TTC28: variants seen among roughly 807,000 people sequenced by gnomAD.
TTC28 encodes the protein tetratricopeptide repeat domain 28.
A neutral mutation model predicts 198.0 loss-of-function variants in TTC28; 61 were observed. The ratio of observed to expected loss-of-function variants is 0.31; its 90% CI spans 0.25 to 0.38. The LOEUF (loss-of-function observed/expected upper bound fraction) is 0.38. Among genes scored for constraint, TTC28 ranks in the 10% least tolerant of loss-of-function variants. The pLI is 1.00. For synonymous variants in TTC28, 1,171 were observed against 1,297.8 expected (o/e 0.90, Z 2.10); for missense variants, 2,678 against 3,164.0 (o/e 0.85, Z 3.69).
intron 2 of TTC28, among the ~76,000 whole-genome samples, chr22:28,569,039 C>G (rs910999072): frequency 6.6e-6 from 1 of 151,802 alleles, no homozygotes; most frequent in African/African-American, 2.4e-5. Context: ...CCCTGCTACC[C>G]GGGAGGCTGA....
intron 2 of TTC28, among the ~76,000 whole-genome samples, chr22:28,466,855 A>ACC (rs1555880295): frequency 1.1e-4 from 16 of 147,722 alleles, no homozygotes; most frequent in Admixed American, 1.4e-4. Flanking sequence ...ACACACACAC[A>ACC]CCCCTATGCC....
At chr22:28,031,524 G>C (rs1324405264) in intron 12 of TTC28, among the ~76,000 whole-genome samples, 1 of 152,164 alleles carries the variant, frequency 6.6e-6, no homozygotes, top group African/African-American at 2.4e-5. Context: ...ACCTCCTGTC[G>C]CTGAGAAGAA....
At chr22:28,210,685 G>A (rs932476740) in intron 5 of TTC28, among the ~76,000 whole-genome samples, 2 of 152,126 alleles carry the variant, frequency 1.3e-5, no homozygotes, top group African/African-American at 4.8e-5. Flanking sequence ...AAAGTGACGG[G>A]GAGAATGGAA....
At chr22:28,365,177 G>C (rs1480258875) in intron 2 of TTC28, among the ~76,000 whole-genome samples, 1 of 152,178 alleles carries the variant, frequency 6.6e-6, no homozygotes, top group East Asian at 1.9e-4. Flanking sequence ...AGGGCTGAAG[G>C]CTTGATGATC....
intron 2 of TTC28, among the ~76,000 whole-genome samples, chr22:28,350,811 C>T (rs921103057): frequency 6.6e-6 from 1 of 152,148 alleles, no homozygotes; most frequent in African/African-American, 2.4e-5. Flanking sequence ...TCTTAAAGTG[C>T]CAATCTATGC....
chr22:28,017,454 G>C (rs985360061), intron 13 of TTC28, among the ~76,000 whole-genome samples: 12 of 152,220 alleles, frequency 7.9e-5, no homozygotes, highest in South Asian at 6.2e-4. Context: ...CTGAGGAAAG[G>C]CTCTTTGGGA....
intron 12 of TTC28, among the ~76,000 whole-genome samples, chr22:28,043,913 T>C (rs991751696): frequency 2.6e-5 from 4 of 152,056 alleles, no homozygotes; most frequent in Non-Finnish European, 5.9e-5. Context: ...GAACCACCCA[T>C]GAGGGCAGAG....
intron 1 of TTC28, among the ~76,000 whole-genome samples, chr22:28,637,276 T>C (rs891276643): frequency 1.3e-5 from 2 of 152,212 alleles, no homozygotes; most frequent in African/African-American, 2.4e-5. Context: ...CCTCCCAAAG[T>C]GCTGGGATTA....
At chr22:28,032,262 T>TAAA (rs1569095049) in intron 12 of TTC28, among the ~76,000 whole-genome samples, 1,361 of 91,540 alleles carry the variant, frequency 0.015, 37 homozygotes, top group Non-Finnish European at 0.02. Context: ...TATATATATA[T>TAAA]ATATAGTGTG....
intron 2 of TTC28, among the ~76,000 whole-genome samples, chr22:28,405,678 T>G (rs1048364500): frequency 8.5e-5 from 13 of 152,150 alleles, no homozygotes; most frequent in African/African-American, 3.1e-4. Context: ...GTACTATGTC[T>G]CTCTGAGGTA....
chr22:28,459,573 C>T (rs2047917386), intron 2 of TTC28, among the ~76,000 whole-genome samples: 1 of 152,224 alleles, frequency 6.6e-6, no homozygotes, highest in Non-Finnish European at 1.5e-5. Flanking sequence ...CCACCCACAT[C>T]CCAAGACCAG....
At chr22:28,194,096 T>G (rs1282320862) in intron 5 of TTC28, among the ~76,000 whole-genome samples, 1 of 152,130 alleles carries the variant, frequency 6.6e-6, no homozygotes, top group Non-Finnish European at 1.5e-5. Context: ...CAGACCACAG[T>G]GCAATCAAAT....
intron 12 of TTC28, among the ~76,000 whole-genome samples, chr22:28,084,300 C>T (rs1274310061): frequency 6.6e-6 from 1 of 152,172 alleles, no homozygotes; most frequent in Non-Finnish European, 1.5e-5. Flanking sequence ...CTGGGTACTC[C>T]TCTGAGACAA....
chr22:28,154,353 TTTC>T (rs1489425869), intron 6 of TTC28, among the ~76,000 whole-genome samples: 111 of 151,580 alleles, frequency 7.3e-4, no homozygotes, highest in African/African-American at 2.5e-3. Context: ...TTCTTTTCTT[TTTC>T]TTTTTTTTTT....
chr22:28,628,056 C>A (rs983490570), intron 2 of TTC28, among the ~76,000 whole-genome samples: 6 of 152,140 alleles, frequency 3.9e-5, no homozygotes, highest in Non-Finnish European at 8.8e-5. Context: ...TAGGTGAGTG[C>A]CACCATACCT....
At chr22:28,260,874 A>C (rs1421969474) in intron 5 of TTC28, among the ~76,000 whole-genome samples, 1 of 152,150 alleles carries the variant, frequency 6.6e-6, no homozygotes, top group Non-Finnish European at 1.5e-5. Flanking sequence ...TTCCAGAATA[A>C]AATAGCACAG....
intron 13 of TTC28, among the ~76,000 whole-genome samples, chr22:28,028,308 C>A (rs928363891): frequency 6.6e-6 from 1 of 152,122 alleles, no homozygotes; most frequent in South Asian, 2.1e-4. Flanking sequence ...TGGCTGGGGG[C>A]GGAGATTGTG....
intron 2 of TTC28, among the ~76,000 whole-genome samples, chr22:28,536,046 A>G (rs1014411892): frequency 6.6e-5 from 10 of 151,380 alleles, no homozygotes; most frequent in Admixed American, 1.3e-4. Flanking sequence ...GAAATACAAA[A>G]AATTAGCTTG....
chr22:28,289,479 T>TA (rs2044746988), intron 5 of TTC28, among the ~76,000 whole-genome samples: 1 of 152,084 alleles, frequency 6.6e-6, no homozygotes, highest in Non-Finnish European at 1.5e-5. Flanking sequence ...TTAGTCAGAA[T>TA]AAAAAAATCC....
Sources: allele counts gnomAD v4.1 joint callset (sites outside exome capture counted in the v4.1 genomes callset), GRCh38; gene constraint gnomAD v4.1.1; transcripts MANE v1.5; gene names NCBI Gene and HGNC (gene_info 2026-07-23, HGNC 2026-07-21).